The following IGFL2 variants were observed in gnomAD, a reference collection of about 807,000 sequenced individuals.
IGFL2 encodes the protein insulin growth factor-like family member 2.
In IGFL2, 7 loss-of-function variants were observed where a neutral mutation model predicts 13.9. The observed-to-expected ratio is 0.51, with a 90% CI of 0.29 to 0.95. The LOEUF is 0.95. Ranked by LOEUF, IGFL2 falls within the 40% of genes least tolerant of loss-of-function variation. IGFL2 has a pLI of 0.08. For synonymous variants in IGFL2, 55 were observed against 55.8 expected (o/e 0.99, Z 0.07); for missense variants, 138 against 147.8 (o/e 0.93, Z 0.34).
At chr19:46,194,643 G>A in the IGFL2 span, among the ~76,000 whole-genome samples, 3 of 151,738 alleles carry the variant, frequency 2.0e-5, no homozygotes, top group African/African-American at 7.3e-5. Flanking sequence ...ACAATATGGT[G>A]AAGCCCCATC....
At chr19:46,104,954 G>C in the IGFL2 span, among the ~76,000 whole-genome samples, 3 of 152,192 alleles carry the variant, frequency 2.0e-5, no homozygotes, top group Non-Finnish European at 4.4e-5. Flanking sequence ...TACAGTGGGA[G>C]AGTAGGTGGG....
chr19:46,109,509 G>A, the IGFL2 span, among the ~76,000 whole-genome samples: 5 of 151,892 alleles, frequency 3.3e-5, no homozygotes, highest in African/African-American at 4.8e-5. Flanking sequence ...GTAGAGATGG[G>A]GTTTCACCAT....
chr19:46,085,851 A>G, the IGFL2 span, among the ~76,000 whole-genome samples: 1 of 152,148 alleles, frequency 6.6e-6, no homozygotes, highest in African/African-American at 2.4e-5. Context: ...TGCTTGTATG[A>G]AAAGGATTTT....
At chr19:46,116,081 C>CT in the IGFL2 span, among the ~76,000 whole-genome samples, 47 of 151,656 alleles carry the variant, frequency 3.1e-4, no homozygotes, top group South Asian at 8.4e-4. Flanking sequence ...ATTTCCCAAT[C>CT]TTTTTTTTTA....
At chr19:46,102,469 A>C in the IGFL2 span, among the ~76,000 whole-genome samples, 1 of 152,178 alleles carries the variant, frequency 6.6e-6, no homozygotes, top group African/African-American at 2.4e-5. Flanking sequence ...ATTACAAAGT[A>C]CCTTCTTAAT....
At chr19:46,160,029 A>G in intron 1 of IGFL2, 1 of 264,312 alleles carries the variant, frequency 3.8e-6, no homozygotes, top group Non-Finnish European at 7.3e-6. Flanking sequence ...TCTCCAAGAC[A>G]ATCCTGCACC....
At chr19:46,176,769 T>C in the IGFL2 span, among the ~76,000 whole-genome samples, 2 of 152,176 alleles carry the variant, frequency 1.3e-5, no homozygotes, top group Admixed American at 1.3e-4. Flanking sequence ...GACTGCGATG[T>C]GACCGGACCA....
chr19:46,205,190 C>G, the IGFL2 span, among the ~76,000 whole-genome samples: 1 of 152,134 alleles, frequency 6.6e-6, no homozygotes, highest in African/African-American at 2.4e-5. Flanking sequence ...TAAGGTTTTT[C>G]TTTTAATGAA....
At chr19:46,103,828 C>T in the IGFL2 span, among the ~76,000 whole-genome samples, 19 of 151,972 alleles carry the variant, frequency 1.3e-4, no homozygotes, top group East Asian at 3.9e-4. Context: ...TTTAGGAATG[C>T]GGGTGAGTTT....
chr19:46,194,850 ATATTTTTTTTTTTTT>A, the IGFL2 span, among the ~76,000 whole-genome samples: 3 of 35,616 alleles, frequency 8.4e-5, no homozygotes, highest in Non-Finnish European at 1.6e-4. Flanking sequence ...ATATATATAT[ATATTTTTTTTTTTTT>A]TTTTTTTTTT....
At chr19:46,196,588 C>G in the IGFL2 span, among the ~76,000 whole-genome samples, 15 of 152,236 alleles carry the variant, frequency 9.9e-5, no homozygotes, top group Non-Finnish European at 2.1e-4. Context: ...CCAGCTGAGC[C>G]TCCAGCTCTG....
chr19:46,091,009 T>A, the IGFL2 span, among the ~76,000 whole-genome samples: 3 of 152,154 alleles, frequency 2.0e-5, no homozygotes, highest in African/African-American at 7.2e-5. Context: ...GAAGGGTAAT[T>A]TGGGTGACAT....
upstream of IGFL2, among the ~76,000 whole-genome samples, chr19:46,145,033 T>TA (rs1482574143): frequency 3.3e-5 from 5 of 152,280 alleles, no homozygotes; most frequent in East Asian, 7.7e-4. Context: ...CCCCTGTTGA[T>TA]AGATATTTGA....
At chr19:46,143,797 T>C (rs1402647711), upstream of IGFL2, among the ~76,000 whole-genome samples, 3 of 152,234 alleles carry the variant, frequency 2.0e-5, no homozygotes, top group Middle Eastern at 3.2e-3. Flanking sequence ...AAAATCAAGA[T>C]TGTGCACAGT....
At chr19:46,091,309 G>A in the IGFL2 span, among the ~76,000 whole-genome samples, 3 of 152,270 alleles carry the variant, frequency 2.0e-5, no homozygotes, top group South Asian at 2.1e-4. Flanking sequence ...TAAACAGCAC[G>A]TTTTAGTGTG....
At chr19:46,200,409 G>T in the IGFL2 span, among the ~76,000 whole-genome samples, 10 of 149,316 alleles carry the variant, frequency 6.7e-5, no homozygotes, top group African/African-American at 2.0e-4. Context: ...CCTGAGCTTA[G>T]GTGACCCACC....
At chr19:46,139,706 C>T (rs1439540946), upstream of IGFL2, among the ~76,000 whole-genome samples, 1 of 152,016 alleles carries the variant, frequency 6.6e-6, no homozygotes, top group Non-Finnish European at 1.5e-5. Context: ...AAGTTCACAA[C>T]TGTGGTGAAA....
At chr19:46,171,983 A>G in the IGFL2 span, among the ~76,000 whole-genome samples, 1 of 151,956 alleles carries the variant, frequency 6.6e-6, no homozygotes, top group Non-Finnish European at 1.5e-5. Context: ...CAAAAAAAAA[A>G]TTATGTGTGA....
At chr19:46,131,229 A>G in the IGFL2 span, among the ~76,000 whole-genome samples, 1 of 152,254 alleles carries the variant, frequency 6.6e-6, no homozygotes, top group South Asian at 2.1e-4. Flanking sequence ...TATTAGCTTT[A>G]TCTGTTGATG....
Sources: gnomAD v4.1 joint callset for allele counts (sites outside exome capture counted in the v4.1 genomes callset) on GRCh38, gnomAD v4.1.1 for gene constraint, MANE v1.5 for transcripts, NCBI Gene and HGNC (gene_info 2026-07-23, HGNC 2026-07-21) for gene names.